Variants in EZH1 observed in about 807,000 individuals in gnomAD.
EZH1 encodes histone-lysine N-methyltransferase EZH1.
In EZH1, 33 loss-of-function variants were observed where a neutral mutation model predicts 100.5. The observed-to-expected ratio is 0.33, with a 90% CI of 0.25 to 0.44. The LOEUF is 0.44. EZH1 is among the 20% of genes least tolerant of loss of function. The pLI is 1.00. For missense variants in EZH1, 475 were observed against 928.4 expected (o/e 0.51, Z 6.35); for synonymous variants, 272 against 313.8 (o/e 0.87, Z 1.41).
In EZH1 at chr17:42,702,923, C is replaced by T; in HGVS notation, c.2137G>A (p.Ala713Thr). 1 of 1,614,100 alleles carries T rather than the reference C, an allele frequency of 6.2e-7. No individual in the cohort carries two copies. The highest frequency in any genetic ancestry group is 8.5e-7 in the Non-Finnish European group (1 of 1,180,026). ...VNGDHRIGIF[A>T]KRAIQAGEEL... ...TCGCCAGCTTGAATTGCCCTCTTGGCAAAGATCCCAATCCGATGGTCTCCA... is the reference window on the plus strand; with the variant it reads ...TCGCCAGCTTGAATTGCCCTCTTGGTAAAGATCCCAATCCGATGGTCTCCA... The change falls in exon 20 of 21, where the codon GCC becomes ACC. Residue 713 changes from alanine to threonine, a missense_variant. Coordinates refer to ENST00000428826, the MANE Select transcript of EZH1 (RefSeq NM_001991.5).
intron 1 of EZH1, among the ~76,000 whole-genome samples, chr17:42,732,198 A>G (rs983463754): frequency 2.0e-5 from 3 of 152,172 alleles, no homozygotes; most frequent in Non-Finnish European, 2.9e-5. Context: ...GCAGTGGCTC[A>G]TGCCTGTAAT....
intron 5 of EZH1, among the ~76,000 whole-genome samples, chr17:42,723,728 C>G (rs1287723353): frequency 6.6e-6 from 1 of 152,098 alleles, no homozygotes; most frequent in South Asian, 2.1e-4. Flanking sequence ...AGAGATGATT[C>G]CCTTCTATAA....
intron 10 of EZH1, 99 bp from the exon 11 acceptor site, chr17:42,713,488 AAT>A: frequency 8.9e-7 from 1 of 1,117,596 alleles, no homozygotes; most frequent in Admixed American, 2.9e-5. Flanking sequence ...TGTCTACAAT[AAT>A]AGTGTCTTTT....
intron 4 of EZH1, among the ~76,000 whole-genome samples, chr17:42,725,624 C>T (rs1462676503): frequency 6.6e-6 from 1 of 152,074 alleles, no homozygotes. Context: ...CTATAGAGTT[C>T]AGCACAGTAC....
At chr17:42,711,689 A>C (rs1400006998) in intron 12 of EZH1, among the ~76,000 whole-genome samples, 1 of 149,056 alleles carries the variant, frequency 6.7e-6, no homozygotes, top group East Asian at 2.0e-4. Context: ...CTGCACCTGT[A>C]GTCCCTTGCT....
chr17:42,718,968 G>T lies in EZH1; in HGVS notation c.767+137C>A. On this transcript the variant is annotated intron_variant, in intron 8 of 20. Coordinates refer to ENST00000428826, the MANE Select transcript of EZH1 (RefSeq NM_001991.5). This position sits in a 1 kb window ranked among gnomAD's most constrained non-coding sequence, Gnocchi z 4.2. The stretch of plus-strand genomic sequence containing the variant: ...GGGGCATTTAGAGGTAATTGAGTAA[G>T]CAAGAAATAATCAAATTGCGGGCAA... 1.4e-6 allele frequency: 1 copy of T among 693,854 alleles called. No homozygotes were observed. Among genetic ancestry groups the T allele is most frequent in the Non-Finnish European group, 2.5e-6 (1 of 397,184 alleles). The allele number at this position is 693,854 out of a possible 1,614,324, so 43.0% of individuals were successfully genotyped here.
At chr17:42,727,882 T>C in intron 3 of EZH1, 119 bp from the exon 4 acceptor site, 1 of 708,440 alleles carries the variant, frequency 1.4e-6, no homozygotes, top group South Asian at 3.7e-5. Flanking sequence ...AGTAGCGCGA[T>C]CTCAGCTCAC....
At chr17:42,714,969 AAATTTATATAAATATATTTATATAT>A (rs994170527) in intron 10 of EZH1, among the ~76,000 whole-genome samples, 8 of 138,554 alleles carry the variant, frequency 5.8e-5, no homozygotes, top group African/African-American at 1.6e-4. Flanking sequence ...TAAATATATG[AAATTTATATAAATATATTTATATAT>A]AATTTATATA....
chr17:42,733,349 A>T (rs1175132548), intron 1 of EZH1, among the ~76,000 whole-genome samples: 6 of 151,260 alleles, frequency 4.0e-5, no homozygotes, highest in African/African-American at 7.3e-5. Context: ...AAAAAAAAAA[A>T]AAAAAGGTCT....
intron 14 of EZH1, 167 bp from the exon 15 acceptor site, chr17:42,708,250 T>C (rs2053401952): frequency 2.8e-6 from 2 of 702,586 alleles, no homozygotes; most frequent in Admixed American, 3.2e-5. Flanking sequence ...GTTCATAAGC[T>C]GCAGTGGGGT....
intron 3 of EZH1, among the ~76,000 whole-genome samples, chr17:42,728,116 C>CTT (rs748198083): frequency 1.7e-5 from 2 of 117,266 alleles, no homozygotes; most frequent in Admixed American, 9.0e-5. Flanking sequence ...CGTGCCTGGC[C>CTT]TTTTTTTTTT....
intron 6 of EZH1, 103 bp from the exon 7 acceptor site, chr17:42,720,552 CAT>C (rs1457942234): frequency 5.1e-6 from 5 of 976,842 alleles, no homozygotes; most frequent in East Asian, 2.7e-5. Context: ...AGATATGTCA[CAT>C]GTGTACATTT....
intron 18 of EZH1, 110 bp from the exon 19 acceptor site, chr17:42,703,930 G>A: frequency 1.2e-6 from 1 of 803,688 alleles, no homozygotes; most frequent in South Asian, 1.5e-5. Context: ...AGTCTGATGG[G>A]AATGTTGAAG....
intron 18 of EZH1, 35 bp from the exon 19 acceptor site, chr17:42,703,855 A>G (rs555041488): frequency 6.9e-7 from 1 of 1,444,860 alleles, no homozygotes; most frequent in Non-Finnish European, 9.7e-7. Context: ...CCATAAGCAC[A>G]GCAGGCAATT....
intron 7 of EZH1, among the ~76,000 whole-genome samples, chr17:42,719,914 G>A (rs1159483002): frequency 6.6e-6 from 1 of 151,944 alleles, no homozygotes; most frequent in Non-Finnish European, 1.5e-5. Flanking sequence ...TGGACATATA[G>A]TATAATTAAA....
intron 17 of EZH1, 131 bp from the exon 18 acceptor site, chr17:42,704,814 G>C (rs1212498551): frequency 6.7e-6 from 5 of 743,910 alleles, no homozygotes; most frequent in South Asian, 3.6e-5. Flanking sequence ...AATCACAAGA[G>C]AGCAAGTTCA....
intron 5 of EZH1, among the ~76,000 whole-genome samples, chr17:42,723,269 G>C (rs1157668764): frequency 1.3e-5 from 2 of 152,108 alleles, no homozygotes; most frequent in Admixed American, 1.3e-4. Context: ...CAGCTACTAG[G>C]GAGGCTGAGG....
At chr17:42,741,580 T>C (rs995181780) in intron 1 of EZH1, among the ~76,000 whole-genome samples, 2 of 152,228 alleles carry the variant, frequency 1.3e-5, no homozygotes, top group African/African-American at 4.8e-5. Context: ...AATTGTTACA[T>C]GTTTCATATA....
At chr17:42,716,633 T>C (rs1230090489) in intron 10 of EZH1, among the ~76,000 whole-genome samples, 1 of 152,314 alleles carries the variant, frequency 6.6e-6, no homozygotes, top group Admixed American at 6.5e-5. Flanking sequence ...TTTTGACTTA[T>C]ATAAATGCTG....
Sources: gnomAD v4.1 joint callset for allele counts (sites outside exome capture counted in the v4.1 genomes callset) on GRCh38, gnomAD v4.1.1 for gene constraint, Gnocchi (gnomAD v3.1) non-coding constraint, MANE v1.5 for transcripts, NCBI Gene and HGNC (gene_info 2026-07-23, HGNC 2026-07-21) for gene names.